The following NLGN1 variants were observed in gnomAD, a reference collection of about 807,000 sequenced individuals.
The protein encoded by NLGN1 is neuroligin-1.
Under a neutral mutation model 65.5 loss-of-function variants are expected in NLGN1, and 12 were observed. The observed-to-expected ratio is 0.18, with a 90% CI of 0.12 to 0.30. The LOEUF (loss-of-function observed/expected upper bound fraction) is 0.30. Ranked by LOEUF, NLGN1 falls within the 10% of genes least tolerant of loss-of-function variation. The pLI is 1.00. For missense variants in NLGN1, 750 were observed against 1,007.1 expected (o/e 0.74, Z 3.46); for synonymous variants, 350 against 359.5 (o/e 0.97, Z 0.30).
intron 3 of NLGN1, among the ~76,000 whole-genome samples, chr3:173,713,748 A>T (rs1402608318): frequency 6.6e-6 from 1 of 152,158 alleles, no homozygotes; most frequent in African/African-American, 2.4e-5. Context: ...TTTAGAATAC[A>T]GCCTTATACC....
intron 4 of NLGN1, among the ~76,000 whole-genome samples, chr3:173,975,621 C>G (rs186568162): frequency 6.6e-6 from 1 of 152,000 alleles, no homozygotes; most frequent in Non-Finnish European, 1.5e-5. Context: ...TGTGACATTA[C>G]CCAAGATTGC....
intron 4 of NLGN1, among the ~76,000 whole-genome samples, chr3:174,112,568 T>C (rs1363519763): frequency 6.6e-6 from 1 of 151,924 alleles, no homozygotes; most frequent in East Asian, 1.9e-4. Flanking sequence ...GTTCAATAGA[T>C]CCATGACACA....
chr3:173,440,610 G>A (rs972554944), intron 2 of NLGN1, among the ~76,000 whole-genome samples: 9 of 152,106 alleles, frequency 5.9e-5, no homozygotes, highest in South Asian at 2.1e-4. Flanking sequence ...GACTAGGTGC[G>A]TTGTCAATGA....
chr3:173,529,946 T>C (rs1173438497), intron 2 of NLGN1, among the ~76,000 whole-genome samples: 1 of 151,938 alleles, frequency 6.6e-6, no homozygotes, highest in Non-Finnish European at 1.5e-5. Flanking sequence ...TGTTCCTAAC[T>C]TATGGAACAC....
chr3:173,640,100 G>A (rs563272820), intron 3 of NLGN1, among the ~76,000 whole-genome samples: 32 of 152,208 alleles, frequency 2.1e-4, no homozygotes, highest in Admixed American at 1.2e-3. Flanking sequence ...ACAACGGGGT[G>A]CATAATATAA....
At chr3:174,052,683 CTATT>C (rs1735169114) in intron 4 of NLGN1, among the ~76,000 whole-genome samples, 1 of 151,982 alleles carries the variant, frequency 6.6e-6, no homozygotes, top group Non-Finnish European at 1.5e-5. Context: ...TCTTACTAGT[CTATT>C]TAATAGGACA....
At chr3:173,675,503 A>C (rs552059300) in intron 3 of NLGN1, among the ~76,000 whole-genome samples, 1 of 152,298 alleles carries the variant, frequency 6.6e-6, no homozygotes, top group South Asian at 2.1e-4. Flanking sequence ...TCATCTGATT[A>C]TCAAACCATA....
At chr3:173,810,413 G>A (rs1287097501) in intron 4 of NLGN1, among the ~76,000 whole-genome samples, 1 of 152,290 alleles carries the variant, frequency 6.6e-6, no homozygotes, top group East Asian at 1.9e-4. Context: ...AATAAGATAT[G>A]ATCCCACATC....
chr3:174,015,530 G>C (rs914674880), intron 4 of NLGN1, among the ~76,000 whole-genome samples: 37 of 152,208 alleles, frequency 2.4e-4, no homozygotes, highest in Non-Finnish European at 4.7e-4. Context: ...ACTCCCAAAG[G>C]CCCCATCTCC....
chr3:173,970,498 A>G (rs1715987811), intron 4 of NLGN1, among the ~76,000 whole-genome samples: 1 of 152,090 alleles, frequency 6.6e-6, no homozygotes, highest in African/African-American at 2.4e-5. Context: ...TAGATTAAGT[A>G]GGAAGGGATG....
intron 3 of NLGN1, among the ~76,000 whole-genome samples, chr3:173,683,112 C>T (rs1764197466): frequency 6.6e-6 from 1 of 152,050 alleles, no homozygotes; most frequent in African/African-American, 2.4e-5. Context: ...TTCTTTCTCC[C>T]ATTTAGTATT....
At chr3:173,832,208 C>T (rs1237286414) in intron 4 of NLGN1, among the ~76,000 whole-genome samples, 2 of 152,018 alleles carry the variant, frequency 1.3e-5, no homozygotes, top group Non-Finnish European at 1.5e-5. Flanking sequence ...AAGCAGTTCT[C>T]CCACCTTGAC....
chr3:173,499,460 T>A (rs1730627515), intron 2 of NLGN1, among the ~76,000 whole-genome samples: 1 of 151,908 alleles, frequency 6.6e-6, no homozygotes, highest in Non-Finnish European at 1.5e-5. Flanking sequence ...TACTGTAGCC[T>A]TGTAGTATAG....
intron 1 of NLGN1, among the ~76,000 whole-genome samples, chr3:173,405,562 C>T (rs187155331): frequency 6.6e-5 from 10 of 152,032 alleles, no homozygotes; most frequent in Non-Finnish European, 1.5e-4. Context: ...ACTAATTAAC[C>T]AAACTAATAA....
At chr3:173,915,652 C>T (rs915086173) in intron 4 of NLGN1, among the ~76,000 whole-genome samples, 11 of 152,114 alleles carry the variant, frequency 7.2e-5, no homozygotes, top group African/African-American at 1.9e-4. Flanking sequence ...GTAATCTATA[C>T]GGATACTGTT....
intron 2 of NLGN1, among the ~76,000 whole-genome samples, chr3:173,584,359 GAGT>G (rs980872947): frequency 2.1e-5 from 3 of 141,624 alleles, no homozygotes; most frequent in African/African-American, 7.8e-5. Flanking sequence ...CACCGATTTG[GAGT>G]AGAAACCTAT....
intron 1 of NLGN1, among the ~76,000 whole-genome samples, chr3:173,406,433 A>G (rs1217374001): frequency 6.6e-6 from 1 of 150,828 alleles, no homozygotes; most frequent in East Asian, 1.9e-4. Context: ...ATGATTCAGT[A>G]TAAATTGGCG....
intron 4 of NLGN1, among the ~76,000 whole-genome samples, chr3:174,242,528 CA>C (rs1255898398): frequency 2.0e-5 from 3 of 152,082 alleles, no homozygotes; most frequent in Non-Finnish European, 4.4e-5. Context: ...AAATCAGTGG[CA>C]GCATTAGATT....
At chr3:173,939,821 G>A (rs1008021219) in intron 4 of NLGN1, among the ~76,000 whole-genome samples, 4 of 151,496 alleles carry the variant, frequency 2.6e-5, no homozygotes, top group African/African-American at 7.3e-5. Flanking sequence ...GTTTTGCCTC[G>A]CTGATGCCTA....
Sources: gnomAD v4.1 joint callset for allele counts (sites outside exome capture counted in the v4.1 genomes callset) on GRCh38, gnomAD v4.1.1 for gene constraint, MANE v1.5 for transcripts, NCBI Gene and HGNC (gene_info 2026-07-23, HGNC 2026-07-21) for gene names.